Variants in PCDHA1 observed in about 807,000 individuals in gnomAD.
PCDHA1 encodes the protein protocadherin alpha-1.
Under a neutral mutation model 61.3 loss-of-function variants are expected in PCDHA1, and 42 were observed. That is an observed-to-expected ratio of 0.69 (90% CI 0.54 to 0.89). The LOEUF (loss-of-function observed/expected upper bound fraction) is 0.89. Ranked by LOEUF, PCDHA1 falls within the 40% of genes least tolerant of loss-of-function variation. The pLI is 0.00. For synonymous variants in PCDHA1, 610 were observed against 553.8 expected, an observed-to-expected ratio of 1.10 and a Z score of -1.43; for missense variants, 1,256 against 1,235.3, an observed-to-expected ratio of 1.02 and a Z score of -0.25.
intron 1 of PCDHA1, chr5:140,969,438 C>G: frequency 6.5e-7 from 1 of 1,546,540 alleles, no homozygotes; most frequent in African/African-American, 1.4e-5. Flanking sequence ...CAAGAGTTAT[C>G]TGGTAAACTG....
chr5:140,821,951 T>G (rs2150112237), intron 1 of PCDHA1: 2 of 1,614,172 alleles, frequency 1.2e-6, no homozygotes, highest in South Asian at 2.2e-5. Context: ...GCGGAGCTGG[T>G]GCCGCGCCTG....
At chr5:141,000,381 CTCTCTCTCTCTCTCTA>C (rs1443323474) in intron 3 of PCDHA1, among the ~76,000 whole-genome samples, 1 of 61,380 alleles carries the variant, frequency 1.6e-5, no homozygotes, top group African/African-American at 7.4e-5. Flanking sequence ...CTCTCTCTCT[CTCTCTCTCTCTCTCTA>C]TATATATATA....
chr5:140,898,206 T>G (rs1554187858), intron 1 of PCDHA1, among the ~76,000 whole-genome samples: 2 of 152,214 alleles, frequency 1.3e-5, no homozygotes. Context: ...AGATCCCATT[T>G]GTCAATTTTG....
chr5:140,960,053 G>A (rs2095524432), intron 1 of PCDHA1, among the ~76,000 whole-genome samples: 3 of 152,156 alleles, frequency 2.0e-5, no homozygotes, highest in Non-Finnish European at 4.4e-5. Flanking sequence ...TTAAAAACAT[G>A]TACAGAAGAT....
chr5:140,823,431 G>A, intron 1 of PCDHA1: 1 of 1,613,396 alleles, frequency 6.2e-7, no homozygotes, highest in Non-Finnish European at 8.5e-7. Context: ...CGCTGCAGGT[G>A]TTCGTGCTGG....
At chr5:140,814,345 G>A (rs2126654527) in intron 1 of PCDHA1, 1 of 151,338 alleles carries the variant, frequency 6.6e-6, no homozygotes, top group Non-Finnish European at 1.5e-5. Flanking sequence ...AGGTCTTCTG[G>A]GGCAGTTACA....
chr5:140,791,158 A>C (rs1761626803), intron 1 of PCDHA1, among the ~76,000 whole-genome samples: 1 of 152,254 alleles, frequency 6.6e-6, no homozygotes, highest in South Asian at 2.1e-4. Context: ...GAAATAGTTT[A>C]TATTGCTAGC....
chr5:140,786,486 G>C lies in PCDHA1; in HGVS notation c.196G>C (p.Val66Leu), dbSNP rs782468432. ...GGAGCTGGTGCCTCGCCTGTTCCGG[G>C]TGGCGTCCAAAACACACAGGGACCT... ...LAELVPRLFR[V>L]ASKTHRDLLE... The change falls in exon 1 of 4, where the codon GTG (valine) becomes CTG (leucine). Residue 66 changes from valine (V) to leucine (L), a missense_variant. Coordinates refer to ENST00000504120, the MANE Select transcript of PCDHA1 (RefSeq NM_018900.4). 6.2e-7 allele frequency: 1 copy of C among 1,613,672 alleles called. No individual in the cohort carries two copies. The highest frequency in any genetic ancestry group is 1.3e-5 in the African/African-American group (1 of 74,928).
chr5:140,821,740 A>C (rs1767041750), intron 1 of PCDHA1: 1 of 1,551,082 alleles, frequency 6.4e-7, no homozygotes, highest in Non-Finnish European at 8.7e-7. Flanking sequence ...TTGTGTGGTG[A>C]TGCAATAGAA....
At chr5:140,829,646 G>T (rs199727548) in intron 1 of PCDHA1, 8 of 1,612,258 alleles carry the variant, frequency 5.0e-6, no homozygotes, top group Non-Finnish European at 5.9e-6. Flanking sequence ...CAAGGTGTAC[G>T]CGCTGCAGCC....
At position 140,888,063 on chromosome 5, in the gene PCDHA1, T is replaced by A. The variant is rs1412671068; in HGVS notation, c.2395-90886T>A. On this transcript the variant is annotated intron_variant, in intron 1 of 3. Coordinates refer to ENST00000504120, the MANE Select transcript of PCDHA1 (RefSeq NM_018900.4). Reference sequence around the variant, plus strand: ...TGTATAATAGATGTTTTAACTTTCTTGTCTGCTAATTTCAACATTTTTGTC... The same window carrying A: ...TGTATAATAGATGTTTTAACTTTCTAGTCTGCTAATTTCAACATTTTTGTC... Among the ~76,000 whole-genome samples the A allele has an allele frequency of 2.0e-5, 3 of 152,238 alleles. No homozygotes were observed. In the East Asian group the frequency reaches 5.8e-4, roughly 29 times the overall value.
rs139887265 is a variant in PCDHA1, at chr5:140,849,821, T to C, written c.2394+61137T>C. The C allele has an allele frequency of 1.1e-5, 18 of 1,598,172 alleles. 3 individuals carry two copies. Among genetic ancestry groups the C allele is most frequent in the African/African-American group, 4.0e-5 (3 of 74,350 alleles). ...CACTGTGGGCCACGGCCAGGGTGTCTGTGGAGGTGGCCGACGTGAACGACA... is the reference window on the plus strand; with the variant it reads ...CACTGTGGGCCACGGCCAGGGTGTCCGTGGAGGTGGCCGACGTGAACGACA... On this transcript the variant is annotated intron_variant, in intron 1 of 3. Transcript: ENST00000504120.
chr5:140,862,406 T>C, intron 1 of PCDHA1: 1 of 350,092 alleles, frequency 2.9e-6, no homozygotes, highest in Non-Finnish European at 5.6e-6. Flanking sequence ...GTGTCTACCT[T>C]CAAAAGGCGC....
chr5:141,002,975 A>G (rs188944079), intron 3 of PCDHA1, among the ~76,000 whole-genome samples: 1 of 152,338 alleles, frequency 6.6e-6, no homozygotes, highest in Admixed American at 6.5e-5. Context: ...TGAAAATAGT[A>G]TCCTTGGTCA....
intron 1 of PCDHA1, among the ~76,000 whole-genome samples, chr5:140,902,016 T>C (rs541579348): frequency 1.3e-5 from 2 of 152,274 alleles, no homozygotes; most frequent in South Asian, 4.1e-4. Context: ...TTGGGACATA[T>C]AGAAATACTA....
rs782137580 is a variant in PCDHA1, at chr5:140,788,242, T to C, written c.1952T>C (p.Val651Ala). ...DLSRYRLLVL[V>A]KDHGEPALTA... Reference sequence around the variant, plus strand: ...TCGCGCTACCGCCTTCTGGTGCTAGTGAAGGATCACGGTGAGCCGGCGCTG... The same window carrying C: ...TCGCGCTACCGCCTTCTGGTGCTAGCGAAGGATCACGGTGAGCCGGCGCTG... Residue 651 changes from valine to alanine, a missense_variant, in exon 1 of 4, where the codon GTG becomes GCG. Val to Ala is a moderately conservative substitution (Grantham distance 64). Transcript: ENST00000504120. The C allele has an allele frequency of 5.6e-6, 9 of 1,613,960 alleles. No individual in the cohort carries two copies. The Admixed American group carries it at 6.7e-5, about 12-fold the overall frequency.
Position 140,786,576 on chromosome 5 carries a change from T to C in PCDHA1, c.286T>C (p.Cys96Arg). 1 of 1,614,240 alleles carries C rather than the reference T, an allele frequency of 6.2e-7. No individual in the cohort carries two copies. Among genetic ancestry groups the C allele is most frequent in the Non-Finnish European group, 8.5e-7 (1 of 1,180,040 alleles). ...TTCTCGGATCGATCGCGAGGAGCTGTGCCAGTGGAGCGCGGAGTGCAGCAT... is the reference window on the plus strand; with the variant it reads ...TTCTCGGATCGATCGCGAGGAGCTGCGCCAGTGGAGCGCGGAGTGCAGCAT... ...VNSRIDREEL[C>R]QWSAECSIHL... is the part of the protein sequence containing the mutation. Residue 96 changes from cysteine to arginine, a missense_variant, in exon 1 of 4, where the codon TGC becomes CGC. Cys to Arg is a radical substitution (Grantham distance 180). Coordinates refer to ENST00000504120, the MANE Select transcript of PCDHA1 (RefSeq NM_018900.4).
intron 1 of PCDHA1, chr5:140,831,181 A>T (rs2150192269): frequency 5.3e-5 from 8 of 152,354 alleles, no homozygotes; most frequent in African/African-American, 1.9e-4. Context: ...GTGATTCAAC[A>T]GAATTTAGAC....
chr5:140,858,188 C>T, intron 1 of PCDHA1: 1 of 1,597,268 alleles, frequency 6.3e-7, no homozygotes, highest in Non-Finnish European at 8.6e-7. Context: ...GCTCACGCTG[C>T]TGCTGTACAC....
Sources: allele counts gnomAD v4.1 joint callset (sites outside exome capture counted in the v4.1 genomes callset), GRCh38; gene constraint gnomAD v4.1.1; transcripts MANE v1.5; gene names NCBI Gene and HGNC (gene_info 2026-07-23, HGNC 2026-07-21).